TRIP12: variants seen among roughly 807,000 people sequenced by gnomAD.
The protein encoded by TRIP12 is E3 ubiquitin-protein ligase TRIP12.
In TRIP12, 25 loss-of-function variants were observed where a neutral mutation model predicts 244.2. The observed-to-expected ratio is 0.10, with a 90% CI of 0.07 to 0.14. The LOEUF (loss-of-function observed/expected upper bound fraction) is 0.14. TRIP12 is among the 10% of genes least tolerant of loss of function. The pLI is 1.00. For synonymous variants in TRIP12, 905 were observed against 873.1 expected, an observed-to-expected ratio of 1.04 and a Z score of -0.64; for missense variants, 1,677 against 2,486.4, an observed-to-expected ratio of 0.67 and a Z score of 6.92.
chr2:229,862,827 C>A (rs953253248), intron 2 of TRIP12, among the ~76,000 whole-genome samples: 4 of 152,156 alleles, frequency 2.6e-5, no homozygotes, highest in Non-Finnish European at 5.9e-5. Flanking sequence ...CTTACTAATA[C>A]CTTCAATGAA....
chr2:229,814,815 C>T (rs1014300233), intron 11 of TRIP12, among the ~76,000 whole-genome samples: 43 of 152,184 alleles, frequency 2.8e-4, no homozygotes, highest in African/African-American at 1.0e-3. Context: ...AGCTATCAAC[C>T]TCACTGGCAT....
rs534158828 is a variant in TRIP12, at chr2:229,839,408, T to G, written c.1133+1414A>C. Reference sequence around the variant, plus strand: ...AAGTGGCATGACTGGCCGGGCACGGTGGCTCACGCTTGTAATCCCAGCACT... The same window carrying G: ...AAGTGGCATGACTGGCCGGGCACGGGGGCTCACGCTTGTAATCCCAGCACT... On this transcript the variant is annotated intron_variant, in intron 5 of 41. Transcript: ENST00000675903. Among the ~76,000 whole-genome samples the G allele has an allele frequency of 3.3e-5, 5 of 152,198 alleles. 1 individual carries two copies. In the South Asian group the frequency reaches 1.0e-3, roughly 32 times the overall value.
chr2:229,878,525 A>G (rs2064101302), intron 2 of TRIP12, among the ~76,000 whole-genome samples: 1 of 151,954 alleles, frequency 6.6e-6, no homozygotes, highest in African/African-American at 2.4e-5. Flanking sequence ...CTTAACCACT[A>G]AATAGTCTGA....
Position 229,817,870 on chromosome 2 carries a change from C to T in TRIP12, c.1599+494G>A, listed in dbSNP as rs1318999122. 2.0e-5 allele frequency among the ~76,000 whole-genome samples: 3 copies of T among 152,186 alleles called. No homozygotes were observed. The East Asian group carries it at 5.8e-4, about 29-fold the overall frequency. ...TCGGTCTCCCAAAGTATTGGGATTA[C>T]AGGCGTCAGACATTGCCACTGGCCA... On this transcript the variant is annotated intron_variant, in intron 9 of 41. Transcript: ENST00000675903.
Position 229,779,911 on chromosome 2 carries a change from A to G in TRIP12, c.5095-921T>C, listed in dbSNP as rs553405235. Among the ~76,000 whole-genome samples, 3 of 152,334 alleles carry G rather than the reference A, an allele frequency of 2.0e-5. No individual in the cohort carries two copies. The South Asian group carries it at 6.2e-4, about 32-fold the overall frequency. On this transcript the variant is annotated intron_variant, in intron 34 of 41. Transcript: ENST00000675903. The stretch of plus-strand genomic sequence containing the variant: ...ATCTGTCAAGGTCCCGCCAGATCAG[A>G]CCATAAACAAAGATATGCAGGTAGT...
chr2:229,856,143 C>A (rs1215570803), intron 4 of TRIP12, among the ~76,000 whole-genome samples: 2 of 152,006 alleles, frequency 1.3e-5, no homozygotes, highest in African/African-American at 4.8e-5. Context: ...TACACAAACG[C>A]TGGTTCCATT....
chr2:229,845,140 G>A (rs1309301136), intron 4 of TRIP12, among the ~76,000 whole-genome samples: 1 of 152,154 alleles, frequency 6.6e-6, no homozygotes, highest in African/African-American at 2.4e-5. Context: ...GTCTGAGGGA[G>A]GTCACAAGAT....
At chr2:229,883,997 G>A (rs1052009457) in intron 1 of TRIP12, among the ~76,000 whole-genome samples, 1 of 151,682 alleles carries the variant, frequency 6.6e-6, no homozygotes, top group African/African-American at 2.4e-5. Context: ...TAAAATCCCA[G>A]CTACTTGGGA....
chr2:229,915,692 T>A (rs2075250386), intron 1 of TRIP12, among the ~76,000 whole-genome samples: 1 of 146,532 alleles, frequency 6.8e-6, no homozygotes. Context: ...TATTGTATAC[T>A]AAAAAAAAAA....
At chr2:229,827,648 T>A (rs1465531021) in intron 8 of TRIP12, among the ~76,000 whole-genome samples, 1 of 152,168 alleles carries the variant, frequency 6.6e-6, no homozygotes, top group East Asian at 1.9e-4. Flanking sequence ...TCATCTCCTA[T>A]GACAACAATG....
intron 1 of TRIP12, among the ~76,000 whole-genome samples, chr2:229,903,689 T>C (rs1229164362): frequency 6.6e-6 from 1 of 151,892 alleles, no homozygotes; most frequent in African/African-American, 2.4e-5. Flanking sequence ...TCCAAGGTAA[T>C]ACAAAAGATA....
chr2:229,892,092 T>G (rs1283311345), intron 1 of TRIP12, among the ~76,000 whole-genome samples: 1 of 152,194 alleles, frequency 6.6e-6, no homozygotes, highest in Non-Finnish European at 1.5e-5. Context: ...TCAATACTGT[T>G]TGCTACAATG....
At chr2:229,796,100 GGGAGCCACTCTGT>G (rs2042748343) in intron 25 of TRIP12, among the ~76,000 whole-genome samples, 1 of 152,188 alleles carries the variant, frequency 6.6e-6, no homozygotes, top group South Asian at 2.1e-4. Context: ...GTGAAGGAAG[GGGAGCCACTCTGT>G]GGCTTTGTAA....
intron 33 of TRIP12, 83 bp downstream of exon 33, chr2:229,787,422 C>A: frequency 7.0e-7 from 1 of 1,420,304 alleles, no homozygotes; most frequent in Middle Eastern, 2.3e-4. Flanking sequence ...GACCAACATG[C>A]ATATTTAGAT....
intron 18 of TRIP12, 83 bp downstream of exon 18, chr2:229,805,647 T>C: frequency 7.6e-7 from 1 of 1,309,000 alleles, no homozygotes; most frequent in Non-Finnish European, 1.0e-6. Flanking sequence ...AAAAAGATAC[T>C]TAATAAGCCA....
chr2:229,917,138 T>C (rs759841614), intron 1 of TRIP12, among the ~76,000 whole-genome samples: 5 of 152,068 alleles, frequency 3.3e-5, no homozygotes, highest in Non-Finnish European at 5.9e-5. Context: ...CCCAGCACTT[T>C]GGGAGTCCAA....
At chr2:229,798,775 G>A (rs902164985) in intron 23 of TRIP12, 100 bp downstream of exon 23, 2 of 1,270,632 alleles carry the variant, frequency 1.6e-6, no homozygotes, top group Middle Eastern at 1.9e-4. Flanking sequence ...AAAGTGCTGT[G>A]TCTATGTATC....
At chr2:229,898,578 CA>C (rs1431483422) in intron 1 of TRIP12, among the ~76,000 whole-genome samples, 1 of 151,988 alleles carries the variant, frequency 6.6e-6, no homozygotes, top group African/African-American at 2.4e-5. Context: ...AAATTCAAAT[CA>C]AAACTTTCTA....
chr2:229,858,369 CAT>C (rs1234449041), intron 4 of TRIP12, among the ~76,000 whole-genome samples: 3 of 152,182 alleles, frequency 2.0e-5, no homozygotes, highest in African/African-American at 7.2e-5. Context: ...TCTAAAAAAA[CAT>C]ATATATATTT....
Sources: allele counts gnomAD v4.1 joint callset (sites outside exome capture counted in the v4.1 genomes callset), GRCh38; gene constraint gnomAD v4.1.1; transcripts MANE v1.5; gene names NCBI Gene and HGNC (gene_info 2026-07-23, HGNC 2026-07-21).